Variants in IDI2 observed in about 807,000 individuals in gnomAD.
The protein encoded by IDI2 is isopentenyl-diphosphate delta isomerase 2.
Under a neutral mutation model 14.8 loss-of-function variants are expected in IDI2, and 18 were observed. The ratio of observed to expected loss-of-function variants is 1.22; its 90% CI spans 0.84 to 1.80. The LOEUF is 1.80. Ranked by LOEUF, IDI2 falls within the 40% of genes most tolerant of loss-of-function variation. IDI2 has a pLI of 0.00. For missense variants in IDI2, 316 were observed against 283.2 expected (o/e 1.12, Z -0.83); for synonymous variants, 133 against 109.6 (o/e 1.21, Z -1.33).
At chr10:1,023,580 G>A (rs1420734574) in intron 2 of IDI2, among the ~76,000 whole-genome samples, 2 of 152,100 alleles carry the variant, frequency 1.3e-5, no homozygotes, top group Admixed American at 6.6e-5. Flanking sequence ...AGAAAAACAA[G>A]TATCACATGT....
At position 1,022,715 on chromosome 10, in the gene IDI2, T is replaced by A; in HGVS notation, c.203A>T (p.Gln68Leu). 6.2e-7 allele frequency: 1 copy of A among 1,614,166 alleles called. No individual in the cohort carries two copies. The highest frequency in any genetic ancestry group is 8.5e-7 in the Non-Finnish European group (1 of 1,179,996). ...CGTGACTTTCGTGTCCGACCTCTGC[T>A]GTATCAGGATTCGATTCTTGGTGTT... ...LFNTKNRILI[Q>L]QRSDTKVTFP... The change falls in exon 3 of 5, where the codon CAG becomes CTG. Residue 68 changes from glutamine to leucine, a missense_variant. Physicochemically the swap from Gln to Leu is moderately radical, Grantham distance 113. Transcript: ENST00000277517.
intron 2 of IDI2, among the ~76,000 whole-genome samples, chr10:1,023,519 C>G (rs1832154765): frequency 6.6e-6 from 1 of 151,122 alleles, no homozygotes; most frequent in Non-Finnish European, 1.5e-5. Flanking sequence ...TCATTTGTAG[C>G]AACATGGATG....
chr10:1,021,286 G>C (rs1020804142), intron 3 of IDI2, among the ~76,000 whole-genome samples: 7 of 152,256 alleles, frequency 4.6e-5, no homozygotes, highest in Non-Finnish European at 8.8e-5. Flanking sequence ...GGGCTGGGTG[G>C]CTGCACCAGC....
Position 1,024,714 on chromosome 10 carries a change from T to C in IDI2, c.10A>G (p.Ile4Val), listed in dbSNP as rs1423211638. The C allele has an allele frequency of 6.2e-7, 1 of 1,614,158 alleles. No individual in the cohort carries two copies. The highest frequency in any genetic ancestry group is 1.7e-5 in the Admixed American group (1 of 60,012). Residue 4 changes from isoleucine to valine, a missense_variant, in exon 2 of 5, where the codon ATA becomes GTA. Ile to Val is a conservative substitution (Grantham distance 29). Coordinates refer to ENST00000277517, the MANE Select transcript of IDI2 (RefSeq NM_033261.3). MSD[I>V]NLDWVDRRQL... is the part of the protein sequence containing the mutation. ...CGCCTGTCAACCCAGTCAAGATTTA[T>C]GTCAGACATAGCTGCTGGCTGTGAC... is the stretch of plus-strand genomic sequence containing the variant.
In IDI2 at chr10:1,019,552, G is replaced by T. The variant is rs1832051468; in HGVS notation, c.649C>A (p.Pro217Thr). 6.2e-7 allele frequency: 1 copy of T among 1,613,598 alleles called. No homozygotes were observed. The highest frequency in any genetic ancestry group is 1.3e-5 in the African/African-American group (1 of 74,860). ...RWWPHLDDVTPFVELHKIHRV is the reference protein window; with the variant it reads ...RWWPHLDDVTTFVELHKIHRV ...TGTATTTTGTGAAGCTCCACAAACG[G>T]GGTCACGTCATCCAGGTGAGGCCAC... Residue 217 changes from proline to threonine, a missense_variant, in exon 5 of 5, where the codon CCG becomes ACG. Pro to Thr is a conservative substitution (Grantham distance 38, BLOSUM62 -1). Transcript: ENST00000277517.
intron 4 of IDI2, 26 bp from the exon 5 acceptor site, chr10:1,019,860 TAAC>T (rs777803253): frequency 1.7e-5 from 25 of 1,478,978 alleles, no homozygotes; most frequent in Middle Eastern, 1.7e-4. Context: ...GGTGCAGTGT[TAAC>T]AACGCTAATG....
In IDI2 at chr10:1,019,417, C is replaced by T; in HGVS notation, c.*100G>A. On this transcript the variant is annotated 3_prime_UTR_variant, in exon 5 of 5. Coordinates refer to ENST00000277517, the MANE Select transcript of IDI2 (RefSeq NM_033261.3). ...TTATACATGATGGGCAATCAAGTGC[C>T]CCTTTTGCCCTGTTTTTTGGAGAGG... 12 of 840,346 alleles carry T rather than the reference C, an allele frequency of 1.4e-5. No homozygotes were observed. The South Asian group carries it at 2.2e-4, about 15-fold the overall frequency. The allele number at this position is 840,346 out of a possible 1,614,324, so 52.1% of individuals were successfully genotyped here.
chr10:1,024,789 C>T (rs1832183660), intron 1 of IDI2, 45 bp from the exon 2 acceptor site: 6 of 1,596,100 alleles, frequency 3.8e-6, no homozygotes. Flanking sequence ...AAAGATATTG[C>T]CATCTCGTTT....
intron 3 of IDI2, 64 bp from the exon 4 acceptor site, chr10:1,020,961 A>C: frequency 6.0e-6 from 9 of 1,507,898 alleles, no homozygotes; most frequent in South Asian, 1.2e-5. Context: ...TTAAATACAA[A>C]TGCAGATGCT....
intron 2 of IDI2, 77 bp from the exon 3 acceptor site, chr10:1,022,852 T>TCATAGTC: frequency 8.7e-7 from 1 of 1,155,296 alleles, no homozygotes; most frequent in Non-Finnish European, 1.3e-6. Flanking sequence ...TTGTCCTCAG[T>TCATAGTC]CTGTTTCTCG....
At chr10:1,020,625 A>C in intron 4 of IDI2, 142 bp downstream of exon 4, 1 of 804,528 alleles carries the variant, frequency 1.2e-6, no homozygotes, top group Non-Finnish European at 1.9e-6. Flanking sequence ...GCTCATTCAC[A>C]GCCCCATCCA....
intron 3 of IDI2, among the ~76,000 whole-genome samples, chr10:1,022,392 C>G (rs1023563213): frequency 6.6e-6 from 1 of 152,080 alleles, no homozygotes; most frequent in African/African-American, 2.4e-5. Flanking sequence ...CCCCTAAATC[C>G]TTAGGTTGAT....
chr10:1,025,490 G>A (rs1045906701), intron 1 of IDI2, among the ~76,000 whole-genome samples: 4 of 149,912 alleles, frequency 2.7e-5, no homozygotes, highest in Non-Finnish European at 4.4e-5. Context: ...GCAGTGAGCC[G>A]AGATCGTGCC....
chr10:1,020,651 T>A, intron 4 of IDI2, 116 bp downstream of exon 4: 1 of 1,070,262 alleles, frequency 9.3e-7, no homozygotes, highest in East Asian at 2.4e-5. Flanking sequence ...CCATCCTTCA[T>A]CCTCATGGTG....
In IDI2 at chr10:1,019,653, A is replaced by T; in HGVS notation, c.548T>A (p.Leu183Gln). Reference sequence around the variant, plus strand: ...GACTTCACCCCTCGCCTCCCTCTCCAGCAGCTCCCACAGCTCCTCCTGGGA... The same window carrying T: ...GACTTCACCCCTCGCCTCCCTCTCCTGCAGCTCCCACAGCTCCTCCTGGGA... Reference protein sequence around the residue: ...YLSQEELWELLEREARGEVKV... With the variant: ...YLSQEELWELQEREARGEVKV... The change falls in exon 5 of 5, where the codon CTG (leucine) becomes CAG (glutamine). Residue 183 changes from leucine (L) to glutamine (Q), a missense_variant. Transcript: ENST00000277517. 1 of 1,614,032 alleles carries T rather than the reference A, an allele frequency of 6.2e-7. No individual in the cohort carries two copies. The highest frequency in any genetic ancestry group is 8.5e-7 in the Non-Finnish European group (1 of 1,179,996).
chr10:1,021,226 A>G (rs899752300), intron 3 of IDI2, among the ~76,000 whole-genome samples: 1 of 152,042 alleles, frequency 6.6e-6, no homozygotes. Context: ...TTTTGTACCC[A>G]CAGAGGACCT....
intron 3 of IDI2, among the ~76,000 whole-genome samples, chr10:1,022,044 G>A (rs1832114474): frequency 6.6e-6 from 1 of 152,196 alleles, no homozygotes; most frequent in Non-Finnish European, 1.5e-5. Flanking sequence ...CATATCACGA[G>A]GTCAGGAGAT....
chr10:1,020,435 C>T (rs908130295), intron 4 of IDI2, among the ~76,000 whole-genome samples: 7 of 152,080 alleles, frequency 4.6e-5, no homozygotes, highest in East Asian at 3.9e-4. Flanking sequence ...GTGATCCGCC[C>T]GCCTCGGCCT....
chr10:1,022,646 G>T, intron 3 of IDI2, 37 bp downstream of exon 3: 2 of 1,450,206 alleles, frequency 1.4e-6, no homozygotes, highest in Non-Finnish European at 9.7e-7. Flanking sequence ...CACATGAGAT[G>T]CTCTCTTCAG....
Sources: gnomAD v4.1 joint callset for allele counts (sites outside exome capture counted in the v4.1 genomes callset) on GRCh38, gnomAD v4.1.1 for gene constraint, MANE v1.5 for transcripts, NCBI Gene and HGNC (gene_info 2026-07-23, HGNC 2026-07-21) for gene names.